GAS7: variants seen among roughly 807,000 people sequenced by gnomAD.
GAS7 encodes the protein growth arrest specific 7, also known as growth arrest-specific protein 7.
In GAS7, 28 loss-of-function variants were observed where a neutral mutation model predicts 71.1. The observed-to-expected ratio is 0.39, with a 90% CI of 0.29 to 0.54. The LOEUF (loss-of-function observed/expected upper bound fraction) is 0.54, where lower values mean the gene tolerates loss of function less well. GAS7 is among the 20% of genes least tolerant of loss of function. GAS7 has a pLI of 0.62. For missense variants in GAS7, 436 were observed against 627.8 expected, an observed-to-expected ratio of 0.69 and a Z score of 3.27; for synonymous variants, 258 against 245.8, an observed-to-expected ratio of 1.05 and a Z score of -0.46.
chr17:10,022,749 C>T (rs992998624), intron 1 of GAS7, among the ~76,000 whole-genome samples: 7 of 152,202 alleles, frequency 4.6e-5, no homozygotes, highest in South Asian at 2.1e-4. Context: ...CCGTCTACGG[C>T]GATACGGACC....
intron 1 of GAS7, among the ~76,000 whole-genome samples, chr17:10,100,882 T>A (rs112196622): frequency 7.9e-5 from 12 of 152,366 alleles, no homozygotes; most frequent in African/African-American, 2.2e-4. Context: ...ATGCAAAGCC[T>A]AGAGATGGAG....
intron 5 of GAS7, among the ~76,000 whole-genome samples, chr17:9,949,775 T>A (rs1597516564): frequency 1.8e-5 from 1 of 55,892 alleles, no homozygotes; most frequent in African/African-American, 1.7e-4. Flanking sequence ...CTTCCTCCCC[T>A]CCTCCCTTCC....
chr17:9,967,296 C>T (rs2069758353), intron 4 of GAS7, among the ~76,000 whole-genome samples: 1 of 151,902 alleles, frequency 6.6e-6, no homozygotes, highest in African/African-American at 2.4e-5. Flanking sequence ...TGATCTTAGA[C>T]CAAAGGTTCT....
At chr17:10,106,967 A>G (rs577076857) in intron 1 of GAS7, among the ~76,000 whole-genome samples, 15 of 152,270 alleles carry the variant, frequency 9.9e-5, no homozygotes, top group Non-Finnish European at 5.9e-5. Context: ...CAAAGAAGAA[A>G]GAGGCTGATG....
At chr17:10,064,478 T>C (rs1237149331) in intron 1 of GAS7, among the ~76,000 whole-genome samples, 1 of 152,194 alleles carries the variant, frequency 6.6e-6, no homozygotes, top group Non-Finnish European at 1.5e-5. Context: ...CGGGAGCAAG[T>C]GGCTCCTGCC....
chr17:10,000,465 C>T (rs1597651588), intron 2 of GAS7, among the ~76,000 whole-genome samples: 2 of 152,192 alleles, frequency 1.3e-5, no homozygotes, highest in African/African-American at 4.8e-5. Context: ...CTGCCTGCAC[C>T]ATTTCCTCCA....
intron 1 of GAS7, among the ~76,000 whole-genome samples, chr17:10,178,567 A>G (rs1012773048): frequency 2.0e-5 from 3 of 152,070 alleles, no homozygotes; most frequent in African/African-American, 7.2e-5. Context: ...TCTCCTGTGA[A>G]CATCCCTAAA....
intron 1 of GAS7, among the ~76,000 whole-genome samples, chr17:10,022,386 G>A (rs2072303930): frequency 6.6e-6 from 1 of 152,190 alleles, no homozygotes; most frequent in Non-Finnish European, 1.5e-5. Context: ...TCAAACATGG[G>A]AAAGCCATAT....
chr17:10,178,059 G>A (rs961100280), intron 1 of GAS7, among the ~76,000 whole-genome samples: 1 of 152,118 alleles, frequency 6.6e-6, no homozygotes, highest in African/African-American at 2.4e-5. Flanking sequence ...GGGTCCTACA[G>A]AGCCGGAGGG....
chr17:9,918,318 C>T (rs1246650877), intron 12 of GAS7, among the ~76,000 whole-genome samples: 1 of 152,202 alleles, frequency 6.6e-6, no homozygotes, highest in Non-Finnish European at 1.5e-5. Flanking sequence ...CCGCCACGCA[C>T]AGTGCTGAGG....
At chr17:10,020,157 C>T (rs1464772997) in intron 1 of GAS7, 1 of 378,406 alleles carries the variant, frequency 2.6e-6, no homozygotes, top group East Asian at 4.2e-5. Context: ...TGCCATTCAG[C>T]TAATGGAGCT....
At chr17:10,010,415 G>A (rs1197761811) in intron 2 of GAS7, among the ~76,000 whole-genome samples, 2 of 152,144 alleles carry the variant, frequency 1.3e-5, no homozygotes, top group Non-Finnish European at 2.9e-5. Context: ...GCCTCCCAAA[G>A]TGCTGGGTTT....
intron 1 of GAS7, among the ~76,000 whole-genome samples, chr17:10,042,804 G>A (rs189456789): frequency 5.3e-5 from 8 of 152,314 alleles, no homozygotes; most frequent in Admixed American, 3.9e-4. Flanking sequence ...CATGATGTAC[G>A]AAGCAGAATA....
intron 4 of GAS7, among the ~76,000 whole-genome samples, chr17:9,967,173 T>C (rs971576835): frequency 1.5e-3 from 15 of 10,076 alleles, no homozygotes; most frequent in African/African-American, 6.6e-3. Flanking sequence ...ACTTTGTAGC[T>C]TTTTTTTTTT....
At chr17:9,982,883 GA>G (rs2070486792) in intron 2 of GAS7, among the ~76,000 whole-genome samples, 1 of 151,758 alleles carries the variant, frequency 6.6e-6, no homozygotes, top group African/African-American at 2.4e-5. Context: ...AGAAAGCAAA[GA>G]AAGAGAGAAA....
chr17:10,099,170 G>T (rs978158656), intron 1 of GAS7, among the ~76,000 whole-genome samples: 4 of 152,060 alleles, frequency 2.6e-5, no homozygotes, highest in African/African-American at 9.7e-5. Flanking sequence ...ATAAGCCTGT[G>T]AGTCATCAGA....
chr17:9,943,537 C>G (rs1282560850), intron 6 of GAS7, among the ~76,000 whole-genome samples: 1 of 152,202 alleles, frequency 6.6e-6, no homozygotes, highest in Non-Finnish European at 1.5e-5. Flanking sequence ...GGCTGTGATG[C>G]CTAACGGCCT....
intron 1 of GAS7, among the ~76,000 whole-genome samples, chr17:10,122,399 C>T (rs757604417): frequency 6.6e-6 from 1 of 152,198 alleles, no homozygotes; most frequent in African/African-American, 2.4e-5. Flanking sequence ...GGCACTTTCC[C>T]AGTCAGTTTA....
At position 10,126,553 on chromosome 17, in the gene GAS7, C is replaced by CAT. The variant is rs397794097; in HGVS notation, c.183+71654_183+71655insAT. 2.5e-4 allele frequency among the ~76,000 whole-genome samples: 38 copies of CAT among 149,106 alleles called. 1 individual carries two copies. The highest frequency in any genetic ancestry group is 4.0e-4 in the East Asian group (2 of 5,058). ...AGCACACACACAAAGAGCGCACACA[C>CAT]GCAGACATGCACACACTCTCGAAAA... is the stretch of plus-strand genomic sequence containing the variant. On this transcript the variant is annotated intron_variant, in intron 1 of 13. Coordinates refer to ENST00000432992, the MANE Select transcript of GAS7 (RefSeq NM_201433.2).
Sources: allele counts gnomAD v4.1 joint callset (sites outside exome capture counted in the v4.1 genomes callset), GRCh38; gene constraint gnomAD v4.1.1; transcripts MANE v1.5; gene names NCBI Gene and HGNC (gene_info 2026-07-23, HGNC 2026-07-21).